ASCC1: variants seen among roughly 807,000 people sequenced by gnomAD.
ASCC1 encodes the protein ASC-1 complex subunit P50.
A neutral mutation model predicts 46.6 loss-of-function variants in ASCC1; 35 were observed. That is an observed-to-expected ratio of 0.75 (90% confidence interval 0.57 to 0.99). ASCC1 has a LOEUF of 0.99. Among genes scored for constraint, ASCC1 ranks in the 50% least tolerant of loss-of-function variants. The pLI is 0.00. For missense variants in ASCC1, 376 were observed against 428.7 expected (o/e 0.88, Z 1.09); for synonymous variants, 143 against 146.6 (o/e 0.98, Z 0.18).
chr10:72,142,125 CAG>C (rs1363927559), intron 7 of ASCC1, among the ~76,000 whole-genome samples: 3 of 152,100 alleles, frequency 2.0e-5, no homozygotes, highest in Admixed American at 6.5e-5. Flanking sequence ...ACATATTAGA[CAG>C]TATCTATTTT....
chr10:72,162,231 C>T (rs1169480581), intron 5 of ASCC1, among the ~76,000 whole-genome samples: 1 of 151,992 alleles, frequency 6.6e-6, no homozygotes, highest in African/African-American at 2.4e-5. Context: ...AGGGCAATGG[C>T]GTGATCTTGG....
At chr10:72,108,076 C>CTTTT (rs375287948) in intron 9 of ASCC1, among the ~76,000 whole-genome samples, 1 of 128,354 alleles carries the variant, frequency 7.8e-6, no homozygotes, top group African/African-American at 2.9e-5. Flanking sequence ...TTTTCTTTTT[C>CTTTT]TTTTTTTTTT....
rs1402571106 is a variant in ASCC1, at chr10:72,211,651, G to A, written c.113-820C>T. ...ATCCTGGCTATCACAGTGAAACCCCGTCTCTACTAAAAATATAAAAAATTA... is the reference window on the plus strand; with the variant it reads ...ATCCTGGCTATCACAGTGAAACCCCATCTCTACTAAAAATATAAAAAATTA... On this transcript the variant is annotated intron_variant, in intron 2 of 9. Coordinates refer to ENST00000672957, the MANE Select transcript of ASCC1 (RefSeq NM_001198800.3). 2.6e-5 allele frequency among the ~76,000 whole-genome samples: 4 copies of A among 151,406 alleles called. No individual in the cohort carries two copies. The East Asian group carries it at 5.8e-4, about 22-fold the overall frequency.
intron 5 of ASCC1, among the ~76,000 whole-genome samples, chr10:72,179,158 G>C (rs1170416441): frequency 2.6e-5 from 4 of 152,088 alleles, no homozygotes; most frequent in Admixed American, 2.6e-4. Context: ...TTGCCTTGTT[G>C]TCCAGGCTGG....
At chr10:72,151,594 TA>T (rs1160963465) in intron 7 of ASCC1, among the ~76,000 whole-genome samples, 6 of 151,588 alleles carry the variant, frequency 4.0e-5, no homozygotes, top group African/African-American at 1.5e-4. Context: ...TAAAGTATAA[TA>T]AAAAAAAGAG....
intron 9 of ASCC1, among the ~76,000 whole-genome samples, chr10:72,110,457 T>TCCAACTTCTCCACC (rs1392935466): frequency 4.6e-5 from 7 of 152,116 alleles, no homozygotes; most frequent in Non-Finnish European, 7.4e-5. Flanking sequence ...CCATCTCCAC[T>TCCAACTTCTCCACC]CCAACTTCTC....
At chr10:72,109,844 G>A (rs1022537310) in intron 9 of ASCC1, among the ~76,000 whole-genome samples, 5 of 152,192 alleles carry the variant, frequency 3.3e-5, no homozygotes, top group Non-Finnish European at 7.4e-5. Flanking sequence ...ACGCTGACCC[G>A]GCTGGAGAAC....
At chr10:72,192,704 G>A (rs575081633) in intron 5 of ASCC1, among the ~76,000 whole-genome samples, 5 of 152,248 alleles carry the variant, frequency 3.3e-5, no homozygotes, top group African/African-American at 1.2e-4. Flanking sequence ...CTGTTGGCAA[G>A]GCTCGTCTCA....
intron 7 of ASCC1, among the ~76,000 whole-genome samples, chr10:72,135,101 G>A (rs1158409191): frequency 6.6e-6 from 1 of 152,170 alleles, no homozygotes; most frequent in African/African-American, 2.4e-5. Context: ...AGAAAAAGTT[G>A]CAAACGCTTA....
intron 4 of ASCC1, among the ~76,000 whole-genome samples, chr10:72,197,304 T>A (rs1308074338): frequency 1.3e-5 from 2 of 151,560 alleles, no homozygotes; most frequent in Non-Finnish European, 2.9e-5. Context: ...ACCCCACCTC[T>A]ACTAAAAATA....
intron 3 of ASCC1, among the ~76,000 whole-genome samples, chr10:72,204,809 T>C (rs1856970890): frequency 6.6e-6 from 1 of 152,182 alleles, no homozygotes; most frequent in Non-Finnish European, 1.5e-5. Context: ...ATAGAGATTG[T>C]AGGGCACCAA....
In ASCC1 at chr10:72,136,763, G is replaced by A. The variant is rs192593155; in HGVS notation, c.747-3582C>T. On this transcript the variant is annotated intron_variant, in intron 7 of 9. Coordinates refer to ENST00000672957, the MANE Select transcript of ASCC1 (RefSeq NM_001198800.3). Reference sequence around the variant, plus strand: ...GAGCTCTAACACAACGAGGGTCTGCGGCTTCATTCCTGAAGTCAGCAAGAC... The same window carrying A: ...GAGCTCTAACACAACGAGGGTCTGCAGCTTCATTCCTGAAGTCAGCAAGAC... Among the ~76,000 whole-genome samples, 146 of 152,098 alleles carry A rather than the reference G, an allele frequency of 9.6e-4. 2 individuals are homozygous for A. The highest frequency in any genetic ancestry group is 3.2e-3 in the African/African-American group (134 of 41,532).
intron 6 of ASCC1, among the ~76,000 whole-genome samples, chr10:72,159,911 T>TC (rs1248210750): frequency 6.7e-6 from 1 of 150,006 alleles, no homozygotes; most frequent in East Asian, 1.9e-4. Context: ...TTCTTTTTTT[T>TC]TTTTTTTTTT....
At chr10:72,109,177 G>A (rs1229414003) in intron 9 of ASCC1, among the ~76,000 whole-genome samples, 3 of 152,198 alleles carry the variant, frequency 2.0e-5, no homozygotes, top group African/African-American at 7.2e-5. Context: ...GATCCAAGGA[G>A]AAAGGTCAAG....
chr10:72,147,524 A>C (rs1847788656), intron 7 of ASCC1, among the ~76,000 whole-genome samples: 1 of 152,146 alleles, frequency 6.6e-6, no homozygotes, highest in Non-Finnish European at 1.5e-5. Context: ...AAGTGCTGGG[A>C]TTACAGGCAT....
At chr10:72,141,226 GCT>G (rs1445908038) in intron 7 of ASCC1, among the ~76,000 whole-genome samples, 1 of 151,986 alleles carries the variant, frequency 6.6e-6, no homozygotes, top group Non-Finnish European at 1.5e-5. Context: ...TTCTTCTATT[GCT>G]CTCTCTTCCC....
chr10:72,140,057 G>A (rs1846777523), intron 7 of ASCC1, among the ~76,000 whole-genome samples: 1 of 152,188 alleles, frequency 6.6e-6, no homozygotes, highest in African/African-American at 2.4e-5. Context: ...AGGATAAGAA[G>A]CTAACTGCAC....
chr10:72,157,636 G>A (rs947687748), intron 6 of ASCC1, among the ~76,000 whole-genome samples: 5 of 152,090 alleles, frequency 3.3e-5, no homozygotes, highest in African/African-American at 1.2e-4. Flanking sequence ...ACCAGAAAAG[G>A]TTACTCTCCT....
intron 5 of ASCC1, among the ~76,000 whole-genome samples, chr10:72,192,993 G>C (rs1250517396): frequency 3.9e-5 from 6 of 152,204 alleles, no homozygotes; most frequent in African/African-American, 1.4e-4. Flanking sequence ...TCAAATGCTA[G>C]TGAGGATGGA....
Sources: allele counts gnomAD v4.1 joint callset (sites outside exome capture counted in the v4.1 genomes callset), GRCh38; gene constraint gnomAD v4.1.1; transcripts MANE v1.5; gene names NCBI Gene and HGNC (gene_info 2026-07-23, HGNC 2026-07-21).